SNW1: variants seen among roughly 807,000 people sequenced by gnomAD.
The protein encoded by SNW1 is SNW domain containing 1, also known as SNW domain-containing protein 1.
Under a neutral mutation model 75.6 loss-of-function variants are expected in SNW1, and 9 were observed. The observed-to-expected ratio is 0.12, with a 90% CI of 0.07 to 0.21. The LOEUF (loss-of-function observed/expected upper bound fraction) is 0.21. Among genes scored for constraint, SNW1 ranks in the 10% least tolerant of loss-of-function variants. SNW1 has a pLI of 1.00. For synonymous variants in SNW1, 200 were observed against 219.1 expected, an observed-to-expected ratio of 0.91 and a Z score of 0.77; for missense variants, 409 against 670.9, an observed-to-expected ratio of 0.61 and a Z score of 4.31.
rs536828004 is a variant in SNW1 at position 77,718,535 on chromosome 14, G to A, written c.1249-5C>T. ...TGCAAATCCACTGTCCATACCCTGT[G>A]GAAAAATGGATGACATTAAATAAAA... On this transcript the variant is annotated splice_polypyrimidine_tract_variant and splice_region_variant and intron_variant, in intron 12 of 13. Transcript: ENST00000261531. The A allele has an allele frequency of 6.5e-7, 1 of 1,534,778 alleles. No individual in the cohort carries two copies. The highest frequency in any genetic ancestry group is 8.9e-7 in the Non-Finnish European group (1 of 1,127,612).
chr14:77,760,101 A>G (rs1451264175), intron 1 of SNW1, among the ~76,000 whole-genome samples: 2 of 152,140 alleles, frequency 1.3e-5, no homozygotes. Context: ...TAATTGTTTT[A>G]TGTCTGTATA....
chr14:77,726,708 G>A (rs1334876486), intron 10 of SNW1, among the ~76,000 whole-genome samples: 1 of 152,088 alleles, frequency 6.6e-6, no homozygotes, highest in Non-Finnish European at 1.5e-5. Flanking sequence ...TAGCTACTCA[G>A]GAGGCGGAGA....
intron 1 of SNW1, 110 bp downstream of exon 1, chr14:77,761,004 G>A (rs774425361): frequency 2.5e-6 from 4 of 1,613,412 alleles, no homozygotes; most frequent in African/African-American, 1.3e-5. Flanking sequence ...CTTGGCCCAC[G>A]TCATTCTGTG....
At chr14:77,738,644 T>C (rs1221482040) in intron 5 of SNW1, 134 bp downstream of exon 5, 4 of 665,946 alleles carry the variant, frequency 6.0e-6, no homozygotes, top group Non-Finnish European at 1.0e-5. Flanking sequence ...GCAAAGACAG[T>C]AGACAGGCTT....
intron 3 of SNW1, among the ~76,000 whole-genome samples, chr14:77,744,142 AAAAAAAAAG>A (rs1377917551): frequency 6.6e-6 from 1 of 151,498 alleles, no homozygotes; most frequent in African/African-American, 2.4e-5. Context: ...TCTCAAAAAA[AAAAAAAAAG>A]AAAAAAAGAA....
chr14:77,744,446 C>CAAAAAAAAAAAAAAAAAAAAA (rs11335115), intron 3 of SNW1, among the ~76,000 whole-genome samples: 3 of 82,962 alleles, frequency 3.6e-5, no homozygotes, highest in Non-Finnish European at 6.7e-5. Flanking sequence ...GTCTCCATCT[C>CAAAAAAAAAAAAAAAAAAAAA]AAAAAAAAAA....
intron 10 of SNW1, among the ~76,000 whole-genome samples, chr14:77,728,561 TC>T (rs1386048092): frequency 2.0e-5 from 3 of 152,234 alleles, no homozygotes; most frequent in African/African-American, 7.2e-5. Context: ...TCAGCTTATT[TC>T]CCTTAGGGGC....
At chr14:77,722,051 T>G (rs1442360338) in intron 11 of SNW1, among the ~76,000 whole-genome samples, 1 of 152,142 alleles carries the variant, frequency 6.6e-6, no homozygotes, top group Non-Finnish European at 1.5e-5. Context: ...CCCGGCCTCT[T>G]TTTTGTGTTT....
intron 6 of SNW1, among the ~76,000 whole-genome samples, 191 bp downstream of exon 6, chr14:77,736,780 T>C (rs947183312): frequency 3.3e-5 from 5 of 152,120 alleles, no homozygotes; most frequent in Non-Finnish European, 5.9e-5. Context: ...TCTCTGTCCC[T>C]ACCTCCTTCC....
At chr14:77,760,533 T>G in intron 1 of SNW1, 2 of 641,792 alleles carry the variant, frequency 3.1e-6, no homozygotes, top group Non-Finnish European at 5.6e-6. Flanking sequence ...GGTGGTTCTA[T>G]CTACGGAAGA....
At chr14:77,758,315 CAAA>C (rs55707854) in intron 1 of SNW1, among the ~76,000 whole-genome samples, 14,994 of 85,756 alleles carry the variant, frequency 0.17, 609 homozygotes, top group Middle Eastern at 0.31. Context: ...GACTCTGCCA[CAAA>C]AAAAAAAAAA....
intron 1 of SNW1, among the ~76,000 whole-genome samples, chr14:77,757,824 A>G (rs2080853006): frequency 6.6e-6 from 1 of 152,162 alleles, no homozygotes; most frequent in Non-Finnish European, 1.5e-5. Flanking sequence ...AGCACTCACC[A>G]TCTTTATTTC....
intron 1 of SNW1, chr14:77,760,523 G>C (rs920899645): frequency 1.6e-6 from 1 of 626,934 alleles, no homozygotes; most frequent in Non-Finnish European, 2.9e-6. Context: ...GCAAAACTGA[G>C]GTGGTTCTAT....
chr14:77,729,701 GTAAC>G (rs2080613942), intron 10 of SNW1, among the ~76,000 whole-genome samples: 1 of 152,124 alleles, frequency 6.6e-6, no homozygotes, highest in African/African-American at 2.4e-5. Flanking sequence ...AATTTAAAAA[GTAAC>G]TATAAGAGAT....
intron 3 of SNW1, among the ~76,000 whole-genome samples, chr14:77,740,929 T>C (rs1413430857): frequency 1.3e-5 from 2 of 151,568 alleles, no homozygotes; most frequent in African/African-American, 4.8e-5. Context: ...AAACCCCGTC[T>C]CTCCCAAAAA....
intron 1 of SNW1, among the ~76,000 whole-genome samples, chr14:77,758,059 G>A (rs143768450): frequency 0.014 from 2,109 of 151,978 alleles, 48 homozygotes; most frequent in African/African-American, 0.049. Context: ...GCTGGGCGAG[G>A]TGGCTCACAC....
chr14:77,747,799 G>T (rs1594805710), intron 3 of SNW1, among the ~76,000 whole-genome samples: 2 of 147,618 alleles, frequency 1.4e-5, no homozygotes, highest in African/African-American at 5.0e-5. Context: ...GAGGTGGGGG[G>T]CGCCTCTGCC....
At chr14:77,736,575 AAAAC>A (rs1275229375) in intron 6 of SNW1, among the ~76,000 whole-genome samples, 2 of 152,084 alleles carry the variant, frequency 1.3e-5, no homozygotes, top group Non-Finnish European at 2.9e-5. Context: ...AACAAAAACA[AAAAC>A]AAAAAAAGGC....
chr14:77,735,841 G>A lies in SNW1; in HGVS notation c.708+96C>T, dbSNP rs1484556658. On this transcript the variant is annotated intron_variant, in intron 7 of 13. Coordinates refer to ENST00000261531, the MANE Select transcript of SNW1 (RefSeq NM_012245.3). ...AAATAAAAAAAGAAACTACAAGTCA[G>A]TGTGGTGACATGCACCTGTATAGGC... 1.5e-5 allele frequency: 12 copies of A among 783,240 alleles called. No individual in the cohort carries two copies. The East Asian group carries it at 1.8e-4, about 12-fold the overall frequency. 48.5% of individuals were successfully genotyped at this position (783,240 alleles called of 1,614,324 possible). A position where few individuals can be genotyped will look rare whatever the true frequency, so the allele number is the denominator to read the frequency against.
Sources: allele counts gnomAD v4.1 joint callset (sites outside exome capture counted in the v4.1 genomes callset), GRCh38; gene constraint gnomAD v4.1.1; transcripts MANE v1.5; gene names NCBI Gene and HGNC (gene_info 2026-07-23, HGNC 2026-07-21).